Variants in ELFN1 observed in about 807,000 individuals in gnomAD.
ELFN1 encodes extracellular leucine rich repeat and fibronectin type III domain containing 1.
A neutral mutation model predicts 7.6 loss-of-function variants in ELFN1; 6 were observed. That is an observed-to-expected ratio of 0.79 (90% confidence interval 0.43 to 1.56). The LOEUF is 1.56. ELFN1 is among the 40% of genes most tolerant of loss of function. ELFN1 has a pLI of 0.01. For missense variants in ELFN1, 1,169 were observed against 1,232.2 expected (o/e 0.95, Z 0.77); for synonymous variants, 657 against 588.1 (o/e 1.12, Z -1.70).
intron 3 of ELFN1, among the ~76,000 whole-genome samples, chr7:1,721,943 C>T (rs1025962050): frequency 6.6e-6 from 1 of 152,302 alleles, no homozygotes. Context: ...GCCAGAGGCC[C>T]CTGGCTTACG....
At chr7:1,726,427 A>T (rs892045648) in intron 3 of ELFN1, among the ~76,000 whole-genome samples, 3 of 152,232 alleles carry the variant, frequency 2.0e-5, no homozygotes, top group Admixed American at 6.5e-5. Context: ...CCGCTCAGAC[A>T]TATGCTGGCG....
rs755743468 is a variant in ELFN1, at chr7:1,745,357, C to T, written c.761C>T (p.Ser254Leu). ...SKLQSVCTED[S>L]YAAEVVGPPR... is the part of the protein sequence containing the mutation. ...CTGCAGTCAGTCTGCACCGAGGACT[C>T]GTACGCGGCTGAGGTGGTCGGGCCC... The change falls in exon 4 of 4, where the codon TCG (serine) becomes TTG (leucine). Residue 254 changes from serine to leucine, a missense_variant. Ser to Leu is a moderately radical substitution (Grantham distance 145, BLOSUM62 -2). This residue lies in a region of ELFN1 where 914 missense variants were observed against 872.6 expected (regional missense o/e 1.05). Coordinates refer to ENST00000424383, the MANE Select transcript of ELFN1 (RefSeq NM_001128636.4). The T allele has an allele frequency of 4.5e-5, 70 of 1,539,558 alleles. 1 individual carries two copies. In the South Asian group the frequency reaches 6.2e-4, roughly 14 times the overall value.
At chr7:1,743,421 G>A (rs1211538551) in intron 3 of ELFN1, among the ~76,000 whole-genome samples, 5 of 152,192 alleles carry the variant, frequency 3.3e-5, no homozygotes, top group Non-Finnish European at 1.5e-5. Context: ...GAAATTCTCC[G>A]CAGAGCAAGC....
rs558105544 is a variant in ELFN1, at chr7:1,676,280, C to T, written c.-549+5926C>T. Among the ~76,000 whole-genome samples, 28 of 152,242 alleles carry T rather than the reference C, an allele frequency of 1.8e-4. No homozygotes were observed. In the South Asian group the frequency reaches 3.1e-3, roughly 17 times the overall value. On this transcript the variant is annotated intron_variant, in intron 1 of 3. Transcript: ENST00000424383. ...AGACTGCCCCTGTGTCTGTTTGCCC[C>T]GTGGAAGCTGTGGAAGGGCCCGGCC...
chr7:1,721,721 G>T (rs1780027910), intron 3 of ELFN1, among the ~76,000 whole-genome samples: 1 of 152,178 alleles, frequency 6.6e-6, no homozygotes, highest in South Asian at 2.1e-4. Flanking sequence ...CTGAGGGAGG[G>T]ACTGCACCCA....
chr7:1,725,379 AGGCGAGGC>A (rs1780159784), intron 3 of ELFN1, among the ~76,000 whole-genome samples: 1 of 148,030 alleles, frequency 6.8e-6, no homozygotes, highest in Non-Finnish European at 1.5e-5. Flanking sequence ...GACAGGGCGC[AGGCGAGGC>A]CGGTGACAGG....
rs1025545229 is a variant in ELFN1 at position 1,739,750 on chromosome 7, C to G, written c.-293-4554C>G. On this transcript the variant is annotated intron_variant, in intron 3 of 3. Transcript: ENST00000424383. This position sits in a 1 kb window ranked among gnomAD's most constrained non-coding sequence, Gnocchi z 4.6. ...AGGGCTGCCGAGAGGCTGAGCAAGA[C>G]AAAAATGGGCCCTGGCAGGGCAGAG... 4.6e-5 allele frequency among the ~76,000 whole-genome samples: 7 copies of G among 152,094 alleles called. No individual in the cohort carries two copies. Among genetic ancestry groups the G allele is most frequent in the Admixed American group, 2.6e-4 (4 of 15,294 alleles).
intron 2 of ELFN1, among the ~76,000 whole-genome samples, chr7:1,696,392 CTT>C (rs964898176): frequency 7.3e-5 from 10 of 137,182 alleles, no homozygotes; most frequent in Non-Finnish European, 7.9e-5. Flanking sequence ...TTCTTTCTTT[CTT>C]TTTTTTTTTT....
At chr7:1,725,707 CTGTG>C (rs761586056) in intron 3 of ELFN1, among the ~76,000 whole-genome samples, 4 of 152,248 alleles carry the variant, frequency 2.6e-5, no homozygotes, top group Non-Finnish European at 2.9e-5. Flanking sequence ...GTGTGCACGT[CTGTG>C]TGTGCACGTC....
In ELFN1 at chr7:1,745,933, A is replaced by C. The variant is rs1780769357; in HGVS notation, c.1337A>C (p.Gln446Pro). ...VYYCLRRRRR[Q>P]EEKHKKAASA... ...TACTGCCTGCGCAGGCGGCGGCGCC[A>C]GGAGGAGAAGCACAAGAAGGCCGCC... The change falls in exon 4 of 4, where the codon CAG becomes CCG. Residue 446 changes from glutamine (Q) to proline (P), a missense_variant. Around this residue, in one of 2 missense-constraint regions of ELFN1, gnomAD observed 914 missense variants for 872.6 expected, o/e 1.05. Transcript: ENST00000424383. 1 of 1,561,318 alleles carries C rather than the reference A, an allele frequency of 6.4e-7. No homozygotes were observed. The highest frequency in any genetic ancestry group is 8.7e-7 in the Non-Finnish European group (1 of 1,154,678).
intron 2 of ELFN1, among the ~76,000 whole-genome samples, chr7:1,704,717 A>G (rs185512150): frequency 2.6e-5 from 4 of 152,064 alleles, no homozygotes; most frequent in Admixed American, 2.6e-4. Flanking sequence ...GGTCAGTGCC[A>G]GGTCTGGGCA....
At chr7:1,688,878 C>G (rs1583318861) in intron 2 of ELFN1, among the ~76,000 whole-genome samples, 1 of 152,350 alleles carries the variant, frequency 6.6e-6, no homozygotes, top group East Asian at 1.9e-4. Flanking sequence ...CCTCTGGTCA[C>G]TGCTAATCCA....
rs553166975 is a variant in ELFN1 at position 1,691,706 on chromosome 7, G to A, written c.-456+3556G>A. Among the ~76,000 whole-genome samples, 20 of 152,316 alleles carry A rather than the reference G, an allele frequency of 1.3e-4. No homozygotes were observed. The East Asian group carries it at 2.9e-3, about 22-fold the overall frequency. ...TTGGCATCAGTGGCCGGTGAGAGCC[G>A]AGGGCGTCGTGGAGATCCATGTGAA... On this transcript the variant is annotated intron_variant, in intron 2 of 3. Coordinates refer to ENST00000424383, the MANE Select transcript of ELFN1 (RefSeq NM_001128636.4).
intron 2 of ELFN1, among the ~76,000 whole-genome samples, chr7:1,701,299 C>T (rs1372226966): frequency 6.6e-6 from 1 of 152,146 alleles, no homozygotes; most frequent in African/African-American, 2.4e-5. Context: ...GATCCTCCCA[C>T]CTCAGCCTCC....
chr7:1,678,791 C>G (rs532902732), intron 1 of ELFN1, among the ~76,000 whole-genome samples: 2 of 152,354 alleles, frequency 1.3e-5, no homozygotes, highest in Admixed American at 6.5e-5. Context: ...ATCTCTGCGA[C>G]AGTCTTGGTG....
At chr7:1,741,820 C>A (rs1411715675) in intron 3 of ELFN1, among the ~76,000 whole-genome samples, 1 of 152,204 alleles carries the variant, frequency 6.6e-6, no homozygotes, top group Non-Finnish European at 1.5e-5. Flanking sequence ...CTCCACCCAG[C>A]CCCAGACGCA....
intron 1 of ELFN1, among the ~76,000 whole-genome samples, chr7:1,674,759 G>A (rs1778834489): frequency 6.6e-6 from 1 of 152,144 alleles, no homozygotes; most frequent in East Asian, 1.9e-4. Context: ...TGTGCCCAGT[G>A]CCCCCACATG....
At chr7:1,737,511 C>T (rs951697504) in intron 3 of ELFN1, among the ~76,000 whole-genome samples, 5 of 152,202 alleles carry the variant, frequency 3.3e-5, no homozygotes, top group African/African-American at 9.7e-5. Context: ...AGCCACTCGC[C>T]CTCCACCCAT....
intron 1 of ELFN1, among the ~76,000 whole-genome samples, chr7:1,679,571 C>G (rs1357636419): frequency 6.6e-6 from 1 of 152,190 alleles, no homozygotes; most frequent in African/African-American, 2.4e-5. Context: ...CCGTCCCTAC[C>G]GAGCTCTCCC....
Sources: gnomAD v4.1 joint callset for allele counts (sites outside exome capture counted in the v4.1 genomes callset) on GRCh38, gnomAD v4.1.1 for gene constraint, gnomAD v4.1.1 regional missense constraint, Gnocchi (gnomAD v3.1) non-coding constraint, MANE v1.5 for transcripts, NCBI Gene and HGNC (gene_info 2026-07-23, HGNC 2026-07-21) for gene names.